PMFBP1: variants seen among roughly 807,000 people sequenced by gnomAD.
The protein encoded by PMFBP1 is polyamine-modulated factor 1-binding protein 1.
Under a neutral mutation model 137.8 loss-of-function variants are expected in PMFBP1, and 131 were observed. That is an observed-to-expected ratio of 0.95 (90% confidence interval 0.82 to 1.10). PMFBP1 has a LOEUF of 1.10. PMFBP1 is among the 50% of genes least tolerant of loss of function. The probability of loss-of-function intolerance (pLI) is 0.00; values close to 1 mark genes in which losing one functional copy is unlikely to be tolerated. For synonymous variants in PMFBP1, 490 were observed against 450.4 expected, an observed-to-expected ratio of 1.09 and a Z score of -1.11; for missense variants, 1,199 against 1,175.4, an observed-to-expected ratio of 1.02 and a Z score of -0.29.
At chr16:72,198,162 G>A in the PMFBP1 span, among the ~76,000 whole-genome samples, 1 of 152,088 alleles carries the variant, frequency 6.6e-6, no homozygotes, top group African/African-American at 2.4e-5. Flanking sequence ...TACTGTAATA[G>A]AAATCATCAG....
At chr16:72,220,305 G>C in the PMFBP1 span, among the ~76,000 whole-genome samples, 1 of 152,130 alleles carries the variant, frequency 6.6e-6, no homozygotes. Flanking sequence ...GAGTGGTTTA[G>C]TAAATTATGA....
the PMFBP1 span, among the ~76,000 whole-genome samples, chr16:72,242,858 G>T: frequency 1.3e-5 from 2 of 152,202 alleles, no homozygotes; most frequent in South Asian, 4.1e-4. Context: ...CTTGCATCAA[G>T]CATGTGTGTG....
chr16:72,124,307 G>A (rs78867937), intron 17 of PMFBP1, among the ~76,000 whole-genome samples: 5,906 of 152,260 alleles, frequency 0.039, 335 homozygotes, highest in African/African-American at 0.13. Flanking sequence ...CACTGTGCCC[G>A]GCCTAAGATG....
At chr16:72,237,147 G>A in the PMFBP1 span, among the ~76,000 whole-genome samples, 1 of 152,154 alleles carries the variant, frequency 6.6e-6, no homozygotes, top group Non-Finnish European at 1.5e-5. Context: ...GGAGAAAGAA[G>A]GAAAATCATT....
upstream of PMFBP1, among the ~76,000 whole-genome samples, chr16:72,178,624 T>C (rs1041125239): frequency 1.3e-5 from 2 of 152,224 alleles, no homozygotes; most frequent in African/African-American, 2.4e-5. Flanking sequence ...TATAATCTAA[T>C]ACTGTTATTT....
intron 20 of PMFBP1, 198 bp from the exon 21 acceptor site, chr16:72,119,552 T>C: frequency 1.4e-6 from 2 of 1,454,954 alleles, no homozygotes; most frequent in Non-Finnish European, 1.8e-6. Flanking sequence ...CTTACGGGGT[T>C]TCCAGACGTA....
intron 12 of PMFBP1, among the ~76,000 whole-genome samples, chr16:72,129,545 T>TA (rs1220620810): frequency 4.6e-5 from 7 of 152,198 alleles, no homozygotes; most frequent in South Asian, 2.1e-4. Flanking sequence ...GAATGAAGTT[T>TA]AAAAAATCTT....
chr16:72,242,392 C>T, the PMFBP1 span, among the ~76,000 whole-genome samples: 3 of 152,192 alleles, frequency 2.0e-5, no homozygotes, highest in East Asian at 3.9e-4. Flanking sequence ...AATTTAAAAC[C>T]TCCTTAGTTC....
chr16:72,210,720 G>T, the PMFBP1 span, among the ~76,000 whole-genome samples: 2 of 152,356 alleles, frequency 1.3e-5, no homozygotes, highest in South Asian at 4.1e-4. Context: ...AGGCTATGAG[G>T]AAAACAGGGG....
chr16:72,187,233 C>G, the PMFBP1 span, among the ~76,000 whole-genome samples: 14 of 152,036 alleles, frequency 9.2e-5, no homozygotes, highest in African/African-American at 3.4e-4. Flanking sequence ...ATCATTAGGA[C>G]AATACTACAA....
the PMFBP1 span, among the ~76,000 whole-genome samples, chr16:72,191,723 T>G: frequency 5.9e-5 from 9 of 152,086 alleles, no homozygotes; most frequent in African/African-American, 1.9e-4. Flanking sequence ...AGGGAGGAGT[T>G]CTCCTCTTGA....
chr16:72,231,403 A>C, the PMFBP1 span, among the ~76,000 whole-genome samples: 1 of 152,312 alleles, frequency 6.6e-6, no homozygotes, highest in African/African-American at 2.4e-5. Context: ...CAGTGCCTCA[A>C]ACCTTTGACA....
the PMFBP1 span, among the ~76,000 whole-genome samples, chr16:72,231,784 T>C: frequency 6.6e-6 from 1 of 152,194 alleles, no homozygotes. Flanking sequence ...TCTTAATTTT[T>C]ATATGTGTTT....
chr16:72,162,603 T>C (rs2144491561), intron 3 of PMFBP1, among the ~76,000 whole-genome samples: 1 of 152,366 alleles, frequency 6.6e-6, no homozygotes, highest in Middle Eastern at 3.4e-3. Context: ...CGGATGAGTG[T>C]AAGTCTACAT....
rs2042354301 is a variant in PMFBP1 at position 72,120,062 on chromosome 16, C to T, written c.2796G>A (p.Leu932=). 2 of 1,614,162 alleles carry T rather than the reference C, an allele frequency of 1.2e-6. No individual in the cohort carries two copies. Among genetic ancestry groups the T allele is most frequent in the Non-Finnish European group, 1.7e-6 (2 of 1,180,026 alleles). Residue 932 remains leucine, a synonymous_variant, in exon 20 of 21, where the codon TTG becomes TTA. Coordinates refer to ENST00000237353, the MANE Select transcript of PMFBP1 (RefSeq NM_031293.3). ...KDHLHSVMVH[L]QQENKKLKKE... ...TCTTCAGCTTCTTGTTTTCCTGCTG[C>T]AAGTGGACCATTACACTGTGGAGGT...
At chr16:72,202,462 G>A in the PMFBP1 span, among the ~76,000 whole-genome samples, 1 of 152,160 alleles carries the variant, frequency 6.6e-6, no homozygotes, top group Non-Finnish European at 1.5e-5. Flanking sequence ...ACAGGCGTGA[G>A]CCACTGAGCC....
the PMFBP1 span, among the ~76,000 whole-genome samples, chr16:72,192,296 T>C: frequency 6.6e-6 from 1 of 152,166 alleles, no homozygotes; most frequent in Non-Finnish European, 1.5e-5. Context: ...AACACACACA[T>C]TTCCTCAGGT....
chr16:72,197,493 C>T, the PMFBP1 span, among the ~76,000 whole-genome samples: 4 of 152,178 alleles, frequency 2.6e-5, no homozygotes, highest in African/African-American at 4.8e-5. Context: ...TGGGGGTACC[C>T]GGGGCTCCAT....
the PMFBP1 span, among the ~76,000 whole-genome samples, chr16:72,204,770 G>A: frequency 2.6e-5 from 4 of 152,122 alleles, no homozygotes; most frequent in African/African-American, 9.7e-5. Flanking sequence ...TTAAATGATG[G>A]CACTGGAGTA....
Sources: allele counts gnomAD v4.1 joint callset (sites outside exome capture counted in the v4.1 genomes callset), GRCh38; gene constraint gnomAD v4.1.1; transcripts MANE v1.5; gene names NCBI Gene and HGNC (gene_info 2026-07-23, HGNC 2026-07-21).